The following TNRC6B variants were observed in gnomAD, a reference collection of about 807,000 sequenced individuals.
TNRC6B encodes the protein trinucleotide repeat-containing gene 6B protein.
TNRC6B carries 52 observed loss-of-function variants against 203.6 expected under a neutral mutation model. The ratio of observed to expected loss-of-function variants is 0.26; its 90% CI spans 0.20 to 0.32. TNRC6B has a LOEUF of 0.32. Ranked by LOEUF, TNRC6B falls within the 10% of genes least tolerant of loss-of-function variation. TNRC6B has a pLI of 1.00. For synonymous variants in TNRC6B, 838 were observed against 845.7 expected (o/e 0.99, Z 0.16); for missense variants, 1,923 against 2,286.2 (o/e 0.84, Z 3.24).
chr22:40,154,101 T>C (rs9611279), intron 3 of TNRC6B, among the ~76,000 whole-genome samples: 102,424 of 151,142 alleles, frequency 0.68, 36,438 homozygotes, highest in African/African-American at 0.9. Context: ...CTCCTGCCTC[T>C]GTCCCCCGAA....
intron 3 of TNRC6B, among the ~76,000 whole-genome samples, chr22:40,142,956 G>C (rs1041433281): frequency 1.3e-5 from 2 of 152,176 alleles, no homozygotes; most frequent in Non-Finnish European, 2.9e-5. Context: ...GCTAACTGTG[G>C]GGGCTAAAAC....
At chr22:40,239,484 G>T (rs1436353005) in intron 1 of TNRC6B, among the ~76,000 whole-genome samples, 2 of 152,200 alleles carry the variant, frequency 1.3e-5, no homozygotes, top group Non-Finnish European at 2.9e-5. Context: ...TCTAGAGTTG[G>T]AGTTACTGGG....
At chr22:40,226,601 A>G (rs2069789324) in intron 1 of TNRC6B, among the ~76,000 whole-genome samples, 1 of 152,232 alleles carries the variant, frequency 6.6e-6, no homozygotes, top group Non-Finnish European at 1.5e-5. Flanking sequence ...GGACTGCATT[A>G]CAAGTCTCCT....
intron 4 of TNRC6B, among the ~76,000 whole-genome samples, chr22:40,157,812 T>G (rs1459903305): frequency 6.6e-6 from 1 of 152,170 alleles, no homozygotes; most frequent in Non-Finnish European, 1.5e-5. Flanking sequence ...CACAAGGTAC[T>G]TTGCTTAAAT....
In TNRC6B at chr22:40,326,072, T is replaced by C. The variant is rs1475608184; in HGVS notation, c.*2831T>C. The C allele has an allele frequency of 6.6e-6, 1 of 152,454 alleles. No individual in the cohort carries two copies. The highest frequency in any genetic ancestry group is 2.4e-5 in the African/African-American group (1 of 41,384). The allele number at this position is 152,454 out of a possible 1,614,324, so 9.4% of individuals were successfully genotyped here. ...GTGCGTATATATATACATATAAATA[T>C]ATATTTTAGATGAAGACTAACTCTG... is the stretch of plus-strand genomic sequence containing the variant. On this transcript the variant is annotated 3_prime_UTR_variant, in exon 23 of 23. Transcript: ENST00000454349.
At chr22:40,056,573 C>G (rs1250716402) in intron 1 of TNRC6B, among the ~76,000 whole-genome samples, 2 of 152,056 alleles carry the variant, frequency 1.3e-5, no homozygotes, top group Non-Finnish European at 2.9e-5. Flanking sequence ...GTAAGAGGAT[C>G]ACTTGAGGCC....
chr22:40,298,350 T>C (rs1195632314), intron 12 of TNRC6B, among the ~76,000 whole-genome samples: 3 of 152,172 alleles, frequency 2.0e-5, no homozygotes, highest in African/African-American at 7.2e-5. Flanking sequence ...TAGGGTCTAC[T>C]TGGTGTTAGA....
intron 1 of TNRC6B, among the ~76,000 whole-genome samples, chr22:40,180,891 A>C (rs1449013468): frequency 6.6e-6 from 1 of 151,112 alleles, no homozygotes; most frequent in Non-Finnish European, 1.5e-5. Flanking sequence ...ATTAACTGCC[A>C]CCCCCCCCAC....
In TNRC6B at chr22:40,066,334, C is replaced by T. The variant is rs148592479; in HGVS notation, c.-121+21336C>T. Among the ~76,000 whole-genome samples the T allele has an allele frequency of 2.1e-4, 32 of 152,268 alleles. No homozygotes were observed. In the East Asian group the frequency reaches 3.5e-3, roughly 17 times the overall value. ...CAGGTATGAGGATAAATATTGCTCTCGTTACTTCACCTTTTCTGGAAGCGG... is the reference window on the plus strand; with the variant it reads ...CAGGTATGAGGATAAATATTGCTCTTGTTACTTCACCTTTTCTGGAAGCGG... On this transcript the variant is annotated intron_variant, in intron 1 of 23. Coordinates refer to the TNRC6B transcript ENST00000301923.
chr22:40,206,734 G>A (rs371474402), intron 1 of TNRC6B, among the ~76,000 whole-genome samples: 4 of 152,278 alleles, frequency 2.6e-5, no homozygotes, highest in East Asian at 1.9e-4. Flanking sequence ...TAAGTGGGAA[G>A]CCTAGACAAG....
intron 2 of TNRC6B, among the ~76,000 whole-genome samples, chr22:40,249,572 G>A (rs1264651733): frequency 2.6e-5 from 4 of 152,178 alleles, no homozygotes; most frequent in African/African-American, 7.2e-5. Flanking sequence ...CTCGCCGTCT[G>A]GGGGACAGCT....
intron 1 of TNRC6B, among the ~76,000 whole-genome samples, chr22:40,057,323 C>T (rs1330070860): frequency 2.5e-5 from 3 of 119,200 alleles, no homozygotes; most frequent in African/African-American, 3.3e-5. Flanking sequence ...GACAGAGTTT[C>T]GCTCTTGTTG....
chr22:40,232,074 A>G (rs2069878824), intron 1 of TNRC6B, among the ~76,000 whole-genome samples: 1 of 152,214 alleles, frequency 6.6e-6, no homozygotes, highest in Admixed American at 6.5e-5. Flanking sequence ...TCTGGCACTG[A>G]CGGTATTAAT....
intron 1 of TNRC6B, among the ~76,000 whole-genome samples, chr22:40,198,915 A>G (rs1185373788): frequency 2.6e-5 from 4 of 152,064 alleles, no homozygotes; most frequent in African/African-American, 9.7e-5. Flanking sequence ...TCAGGTTTCT[A>G]GATCTTGGCT....
chr22:40,301,774 G>A (rs140639373), intron 15 of TNRC6B, among the ~76,000 whole-genome samples: 1 of 152,226 alleles, frequency 6.6e-6, no homozygotes, highest in East Asian at 1.9e-4. Flanking sequence ...TTAACTACAA[G>A]TTGAGCATCC....
chr22:40,100,600 G>C (rs1328749780), intron 1 of TNRC6B, among the ~76,000 whole-genome samples: 1 of 152,172 alleles, frequency 6.6e-6, no homozygotes, highest in African/African-American at 2.4e-5. Context: ...TTACCAGGCA[G>C]AACTTAAACT....
At chr22:40,105,868 A>G (rs1443887057) in intron 1 of TNRC6B, among the ~76,000 whole-genome samples, 1 of 152,176 alleles carries the variant, frequency 6.6e-6, no homozygotes, top group Non-Finnish European at 1.5e-5. Context: ...TCCAAAGTAG[A>G]TGTAATAATT....
chr22:40,155,603 A>G (rs994519861), intron 3 of TNRC6B, among the ~76,000 whole-genome samples: 5 of 152,172 alleles, frequency 3.3e-5, no homozygotes, highest in African/African-American at 1.2e-4. Context: ...ACTGCTTTTC[A>G]AAGTAGCTAT....
intron 3 of TNRC6B, among the ~76,000 whole-genome samples, chr22:40,261,481 G>C (rs1230487790): frequency 6.6e-6 from 1 of 152,136 alleles, no homozygotes; most frequent in South Asian, 2.1e-4. Flanking sequence ...GGGAGGCTGA[G>C]GCAGGAGAAT....
Sources: gnomAD v4.1 joint callset for allele counts (sites outside exome capture counted in the v4.1 genomes callset) on GRCh38, gnomAD v4.1.1 for gene constraint, MANE v1.5 for transcripts, NCBI Gene and HGNC (gene_info 2026-07-23, HGNC 2026-07-21) for gene names.